Variants in RSPH14 observed in about 807,000 individuals in gnomAD.
RSPH14 encodes the protein radial spoke head 14 homolog.
In RSPH14, 20 loss-of-function variants were observed where a neutral mutation model predicts 26.7. The observed-to-expected ratio is 0.75, with a 90% confidence interval of 0.53 to 1.09. The LOEUF is 1.09. Among genes scored for constraint, RSPH14 ranks in the 50% least tolerant of loss-of-function variants. The probability of loss-of-function intolerance (pLI) is 0.00; values close to 1 mark genes in which losing one functional copy is unlikely to be tolerated. For missense variants in RSPH14, 449 were observed against 457.2 expected (o/e 0.98, Z 0.16); for synonymous variants, 177 against 189.3 (o/e 0.93, Z 0.53).
At chr22:23,082,458 A>T (rs2068711562) in intron 4 of RSPH14, among the ~76,000 whole-genome samples, 1 of 148,826 alleles carries the variant, frequency 6.7e-6, no homozygotes, top group South Asian at 2.1e-4. Context: ...TGACTTCGTG[A>T]TCCACCTGCC....
chr22:23,129,495 C>T (rs1021095353), intron 4 of RSPH14, among the ~76,000 whole-genome samples: 11 of 150,670 alleles, frequency 7.3e-5, no homozygotes, highest in South Asian at 2.1e-4. Context: ...AAAGCAAACT[C>T]GTACATTTTA....
At chr22:23,075,645 G>A (rs2068489297) in intron 4 of RSPH14, among the ~76,000 whole-genome samples, 1 of 152,226 alleles carries the variant, frequency 6.6e-6, no homozygotes, top group Non-Finnish European at 1.5e-5. Flanking sequence ...AAAAGCCACA[G>A]TGCAGGGAGG....
chr22:23,153,277 T>C, the RSPH14 span: 2 of 686,292 alleles, frequency 2.9e-6, no homozygotes, highest in Non-Finnish European at 5.0e-6. Context: ...GACACTTAGC[T>C]TCCTGGCTCC....
intron 4 of RSPH14, among the ~76,000 whole-genome samples, chr22:23,074,174 C>T (rs777943464): frequency 4.6e-4 from 70 of 151,872 alleles, no homozygotes; most frequent in Non-Finnish European, 8.5e-4. Flanking sequence ...GAGACTGGAG[C>T]TGCCCTCCCA....
At chr22:23,064,933 G>A (rs1237408211) in intron 4 of RSPH14, among the ~76,000 whole-genome samples, 1 of 152,150 alleles carries the variant, frequency 6.6e-6, no homozygotes, top group Non-Finnish European at 1.5e-5. Context: ...CAGGACGGTG[G>A]GCAGAACAGC....
At chr22:23,093,896 A>G (rs933355803) in intron 4 of RSPH14, among the ~76,000 whole-genome samples, 1 of 152,158 alleles carries the variant, frequency 6.6e-6, no homozygotes, top group Non-Finnish European at 1.5e-5. Context: ...CAGGGAGAGG[A>G]CAGCCCACCA....
At chr22:23,149,624 G>A (rs2070990105), upstream of RSPH14, among the ~76,000 whole-genome samples, 1 of 152,226 alleles carries the variant, frequency 6.6e-6, no homozygotes, top group Non-Finnish European at 1.5e-5. Context: ...TGCAGCCTCT[G>A]TCTCTTGAGC....
intron 4 of RSPH14, among the ~76,000 whole-genome samples, chr22:23,106,910 C>T (rs988258916): frequency 2.6e-5 from 4 of 152,312 alleles, no homozygotes; most frequent in South Asian, 2.1e-4. Flanking sequence ...GCCATTACTA[C>T]GGGTCACCCC....
At chr22:23,155,300 G>T in the RSPH14 span, among the ~76,000 whole-genome samples, 1 of 152,186 alleles carries the variant, frequency 6.6e-6, no homozygotes, top group South Asian at 2.1e-4. Flanking sequence ...GCCAGGGCAG[G>T]TAGATCTCAG....
At chr22:23,142,119 A>G (rs2070617180), upstream of RSPH14, 1 of 785,866 alleles carries the variant, frequency 1.3e-6, no homozygotes, top group Non-Finnish European at 1.5e-6. Context: ...CCGGCTGCAA[A>G]GCGGGAACAA....
At chr22:23,175,206 GC>G in the RSPH14 span, among the ~76,000 whole-genome samples, 2 of 152,082 alleles carry the variant, frequency 1.3e-5, no homozygotes, top group South Asian at 4.1e-4. Context: ...CACCGTGTTA[GC>G]CAGAATGGTC....
At chr22:23,106,958 G>A (rs2069500175) in intron 4 of RSPH14, among the ~76,000 whole-genome samples, 1 of 152,260 alleles carries the variant, frequency 6.6e-6, no homozygotes, top group Non-Finnish European at 1.5e-5. Context: ...AACCAGGGAG[G>A]GCAGACAGGA....
At chr22:23,118,244 T>G (rs2146387277) in intron 4 of RSPH14, among the ~76,000 whole-genome samples, 1 of 152,274 alleles carries the variant, frequency 6.6e-6, no homozygotes, top group Admixed American at 6.5e-5. Flanking sequence ...ACAAATCACC[T>G]CACCATTCCC....
chr22:23,168,959 C>A, the RSPH14 span, among the ~76,000 whole-genome samples: 152,158 of 152,334 alleles, frequency 1, 75,991 homozygotes, highest in Middle Eastern at 1. Context: ...CACAGCCTGG[C>A]ACAACTCACT....
intron 4 of RSPH14, chr22:23,122,655 G>A: frequency 5.3e-6 from 1 of 188,708 alleles, no homozygotes; most frequent in East Asian, 1.2e-4. Context: ...CATTGAGGGA[G>A]CTATGATGTG....
chr22:23,098,296 A>C (rs951911238), intron 4 of RSPH14, among the ~76,000 whole-genome samples: 1 of 152,166 alleles, frequency 6.6e-6, no homozygotes, highest in Non-Finnish European at 1.5e-5. Flanking sequence ...GTCTCATCCC[A>C]AGTGGCGCCT....
chr22:23,103,408 C>T (rs1388589514), intron 4 of RSPH14, among the ~76,000 whole-genome samples: 1 of 152,172 alleles, frequency 6.6e-6, no homozygotes, highest in Non-Finnish European at 1.5e-5. Flanking sequence ...CAGGATTGAT[C>T]CGCTACTGCC....
rs143475223 is a variant in RSPH14 at position 23,095,935 on chromosome 22, G to A, written c.422-31802C>T. ...TCATCATCTACAATGCCATCGACTC[G>A]CTGACCCGCATCATCCGGGCCCTGG... On this transcript the variant is annotated intron_variant, in intron 4 of 6. Transcript: ENST00000216036. 6.4e-5 allele frequency: 103 copies of A among 1,612,936 alleles called. 1 individual carries two copies. The highest frequency in any genetic ancestry group is 5.7e-4 in the African/African-American group (43 of 75,056).
At position 23,063,998 on chromosome 22, in the gene RSPH14, G is replaced by A; in HGVS notation, c.557C>T (p.Ala186Val). 6.2e-7 allele frequency: 1 copy of A among 1,614,206 alleles called. No homozygotes were observed. The highest frequency in any genetic ancestry group is 1.1e-5 in the South Asian group (1 of 91,078). ...GACAAGCACCACATTGCTGCCCAGG[G>A]CCTCGGTGGCATCCTCCTGCAGGCA... ...VLCLQEDATE[A>V]LGSNVVLVLK... is the part of the protein sequence containing the mutation. Residue 186 changes from alanine (A) to valine (V), a missense_variant, in exon 5 of 7, where the codon GCC (alanine) becomes GTC (valine). Ala to Val is a moderately conservative substitution (Grantham distance 64). Transcript: ENST00000216036.
Sources: allele counts gnomAD v4.1 joint callset (sites outside exome capture counted in the v4.1 genomes callset), GRCh38; gene constraint gnomAD v4.1.1; transcripts MANE v1.5; gene names NCBI Gene and HGNC (gene_info 2026-07-23, HGNC 2026-07-21).